Variants in AKAP19 observed in about 807,000 individuals in gnomAD.
The protein encoded by AKAP19 is small A-kinase anchoring protein.
the AKAP19 span, among the ~76,000 whole-genome samples, chr2:190,142,573 G>A: frequency 6.6e-6 from 1 of 152,210 alleles, no homozygotes; most frequent in Non-Finnish European, 1.5e-5. Context: ...TGGACCAGAG[G>A]CTTCCCTATC....
chr2:190,083,284 T>C, the AKAP19 span, among the ~76,000 whole-genome samples: 1 of 151,182 alleles, frequency 6.6e-6, no homozygotes, highest in African/African-American at 2.4e-5. Context: ...GAGGCTGAAG[T>C]GGGAGGATCG....
the AKAP19 span, among the ~76,000 whole-genome samples, chr2:190,066,461 G>C: frequency 5.0e-4 from 76 of 152,242 alleles, no homozygotes; most frequent in Admixed American, 6.5e-4. Context: ...AAATTCAACA[G>C]TTTTGGGCAA....
At chr2:190,149,287 T>A in the AKAP19 span, among the ~76,000 whole-genome samples, 11 of 152,288 alleles carry the variant, frequency 7.2e-5, no homozygotes, top group Non-Finnish European at 1.3e-4. Context: ...AGCTTTTTTT[T>A]TCATTTATCT....
chr2:190,108,783 GTT>G, the AKAP19 span, among the ~76,000 whole-genome samples: 1,418 of 135,634 alleles, frequency 0.01, 29 homozygotes, highest in African/African-American at 0.035. Flanking sequence ...CCTGTTTGCG[GTT>G]TTTTTTTTTT....
chr2:189,892,999 C>T, the AKAP19 span, among the ~76,000 whole-genome samples: 2 of 152,166 alleles, frequency 1.3e-5, no homozygotes, highest in Non-Finnish European at 2.9e-5. Flanking sequence ...AGGCTCTGCC[C>T]AGTTCCAACT....
the AKAP19 span, among the ~76,000 whole-genome samples, chr2:190,028,405 A>G: frequency 6.6e-6 from 1 of 152,182 alleles, no homozygotes. Context: ...TCCCATGAAT[A>G]GATTAGTTTT....
chr2:190,004,088 A>C, the AKAP19 span, among the ~76,000 whole-genome samples: 2 of 145,598 alleles, frequency 1.4e-5, no homozygotes, highest in Non-Finnish European at 3.0e-5. Context: ...AATATAGTTA[A>C]TCTCTCTCTC....
the AKAP19 span, among the ~76,000 whole-genome samples, chr2:189,953,041 G>T: frequency 2.6e-5 from 4 of 152,168 alleles, no homozygotes; most frequent in African/African-American, 4.8e-5. Context: ...TATGCCAGTT[G>T]TAGGGATTGT....
the AKAP19 span, among the ~76,000 whole-genome samples, chr2:190,043,925 A>G: frequency 2.0e-5 from 3 of 152,134 alleles, no homozygotes; most frequent in East Asian, 5.8e-4. Context: ...TGTGAAGCTG[A>G]CTTCTTGTCT....
chr2:189,992,340 G>A, the AKAP19 span, among the ~76,000 whole-genome samples: 2 of 152,132 alleles, frequency 1.3e-5, no homozygotes, highest in Non-Finnish European at 2.9e-5. Flanking sequence ...ACAGGCGTAA[G>A]CCACCACTCC....
the AKAP19 span, among the ~76,000 whole-genome samples, chr2:189,979,566 A>G: frequency 6.6e-6 from 1 of 152,252 alleles, no homozygotes; most frequent in Non-Finnish European, 1.5e-5. Flanking sequence ...AACAGAAACC[A>G]AAATAGATAC....
the AKAP19 span, among the ~76,000 whole-genome samples, chr2:189,910,044 G>A: frequency 6.6e-6 from 1 of 151,548 alleles, no homozygotes; most frequent in African/African-American, 2.4e-5. Context: ...TTGTGTTATT[G>A]GATATATTCT....
chr2:190,060,487 A>T, the AKAP19 span: 1 of 1,517,838 alleles, frequency 6.6e-7, no homozygotes, highest in Non-Finnish European at 9.0e-7. Flanking sequence ...CCATTAACAA[A>T]ACCCCTCCAT....
At chr2:189,910,110 T>A in the AKAP19 span, among the ~76,000 whole-genome samples, 2 of 151,898 alleles carry the variant, frequency 1.3e-5, no homozygotes, top group African/African-American at 4.8e-5. Flanking sequence ...GGGGCAGACA[T>A]TTACCTTTGT....
At chr2:189,978,906 A>G in the AKAP19 span, among the ~76,000 whole-genome samples, 1 of 152,060 alleles carries the variant, frequency 6.6e-6, no homozygotes, top group Non-Finnish European at 1.5e-5. Context: ...AATTAAATGT[A>G]TACCAAACAC....
the AKAP19 span, among the ~76,000 whole-genome samples, chr2:190,163,365 C>A: frequency 6.6e-6 from 1 of 150,804 alleles, no homozygotes; most frequent in Non-Finnish European, 1.5e-5. Context: ...ACCTGGGAGG[C>A]AGAGCTTGCA....
the AKAP19 span, among the ~76,000 whole-genome samples, chr2:189,886,965 A>G: frequency 5.9e-5 from 9 of 152,268 alleles, no homozygotes; most frequent in Middle Eastern, 3.4e-3. Context: ...GATGAACTCA[A>G]TAAGACTTGT....
At chr2:190,037,910 G>A in the AKAP19 span, among the ~76,000 whole-genome samples, 2 of 152,088 alleles carry the variant, frequency 1.3e-5, no homozygotes, top group East Asian at 3.8e-4. Context: ...GAAAAATTTA[G>A]GGTTTTTTTA....
the AKAP19 span, among the ~76,000 whole-genome samples, chr2:190,166,684 G>A: frequency 6.6e-6 from 1 of 152,066 alleles, no homozygotes; most frequent in Admixed American, 6.5e-5. Context: ...TATCTCTACA[G>A]ATGGAAAAAA....
Sources: allele counts gnomAD v4.1 joint callset (sites outside exome capture counted in the v4.1 genomes callset), GRCh38; gene constraint gnomAD v4.1.1; transcripts MANE v1.5; gene names NCBI Gene and HGNC (gene_info 2026-07-23, HGNC 2026-07-21).